Variants in ADGRV1 observed in about 807,000 individuals in gnomAD.
ADGRV1 encodes adhesion G protein-coupled receptor V1.
In ADGRV1, 359 loss-of-function variants were observed where a neutral mutation model predicts 596.2. The ratio of observed to expected loss-of-function variants is 0.60; its 90% confidence interval spans 0.55 to 0.66. The LOEUF (loss-of-function observed/expected upper bound fraction) is 0.66. Among genes scored for constraint, ADGRV1 ranks in the 30% least tolerant of loss-of-function variants. The pLI is 0.00. For synonymous variants in ADGRV1, 2,681 were observed against 2,679.2 expected, an observed-to-expected ratio of 1.00 and a Z score of -0.02; for missense variants, 7,274 against 7,575.6, an observed-to-expected ratio of 0.96 and a Z score of 1.48.
Position 90,759,436 on chromosome 5 carries a change from A to C in ADGRV1, c.11968A>C (p.Ile3990Leu), listed in dbSNP as rs1484962218. 6.4e-7 allele frequency: 1 copy of C among 1,571,950 alleles called. No individual in the cohort carries two copies. Among genetic ancestry groups the C allele is most frequent in the African/African-American group, 1.3e-5 (1 of 74,124 alleles). Residue 3990 changes from isoleucine (I) to leucine (L), a missense_variant, in exon 58 of 90, where the codon ATT becomes CTT. Coordinates refer to ENST00000405460, the MANE Select transcript of ADGRV1 (RefSeq NM_032119.4). ...TACTGCAATGATAGAAATCACCATAATTGATGATGCTGAATTTGAATTGAC... is the reference window on the plus strand; with the variant it reads ...TACTGCAATGATAGAAATCACCATACTTGATGATGCTGAATTTGAATTGAC... Reference protein sequence around the residue: ...QVTAMIEITIIDDAEFELTET... With the variant: ...QVTAMIEITILDDAEFELTET...
chr5:91,116,126 C>G lies in ADGRV1; in HGVS notation c.18432+13786C>G, dbSNP rs1289427241. 3.3e-5 allele frequency among the ~76,000 whole-genome samples: 5 copies of G among 152,274 alleles called. 1 individual carries two copies. Among genetic ancestry groups the G allele is most frequent in the Admixed American group, 2.0e-4 (3 of 15,298 alleles). On this transcript the variant is annotated intron_variant, in intron 87 of 89. Coordinates refer to ENST00000405460, the MANE Select transcript of ADGRV1 (RefSeq NM_032119.4). ...TAAAGAGCATGAATTCAAATATAAA[C>G]TGAACTTTCTTCTTAAACTCTTTAG... is the stretch of plus-strand genomic sequence containing the variant.
At chr5:90,799,077 G>T (rs1293458863) in intron 70 of ADGRV1, among the ~76,000 whole-genome samples, 1 of 152,062 alleles carries the variant, frequency 6.6e-6, no homozygotes, top group African/African-American at 2.4e-5. Context: ...TTCTGGCCAG[G>T]GCAATCAGAC....
intron 83 of ADGRV1, among the ~76,000 whole-genome samples, chr5:90,927,139 G>A (rs1404647330): frequency 6.7e-6 from 1 of 150,354 alleles, no homozygotes; most frequent in Admixed American, 6.6e-5. Flanking sequence ...TTCTGTAGAT[G>A]TCTATTAGGT....
intron 83 of ADGRV1, among the ~76,000 whole-genome samples, chr5:90,897,637 A>G (rs756504614): frequency 2.0e-4 from 30 of 152,304 alleles, no homozygotes; most frequent in Non-Finnish European, 3.7e-4. Flanking sequence ...TACTATTGTA[A>G]TATCATTCAG....
chr5:90,787,700 C>A (rs1436682352), intron 67 of ADGRV1, among the ~76,000 whole-genome samples: 1 of 149,128 alleles, frequency 6.7e-6, no homozygotes, highest in South Asian at 2.1e-4. Flanking sequence ...TCAAGCAATT[C>A]TCCTGTTTCA....
chr5:90,957,717 AC>A (rs1470596816), intron 83 of ADGRV1, among the ~76,000 whole-genome samples: 1 of 150,432 alleles, frequency 6.6e-6, no homozygotes, highest in Non-Finnish European at 1.5e-5. Context: ...AAGATAATTA[AC>A]TATTGAAGAA....
chr5:90,903,804 A>G (rs1772067285), intron 83 of ADGRV1, among the ~76,000 whole-genome samples: 1 of 152,012 alleles, frequency 6.6e-6, no homozygotes. Flanking sequence ...TTTAAAGTAT[A>G]CAATTAAATT....
intron 85 of ADGRV1, among the ~76,000 whole-genome samples, chr5:91,052,680 C>T (rs1431753090): frequency 6.6e-6 from 1 of 152,180 alleles, no homozygotes; most frequent in Non-Finnish European, 1.5e-5. Context: ...GTGATCCACC[C>T]GCCTTGGCCT....
At chr5:90,651,909 A>C (rs1332671866) in intron 18 of ADGRV1, among the ~76,000 whole-genome samples, 179 bp downstream of exon 18, 1 of 152,182 alleles carries the variant, frequency 6.6e-6, no homozygotes, top group African/African-American at 2.4e-5. Flanking sequence ...CTTCAAAAAA[A>C]AAAATCTTTT....
chr5:90,697,208 A>G, intron 34 of ADGRV1, 62 bp downstream of exon 34: 3 of 1,425,148 alleles, frequency 2.1e-6, no homozygotes, highest in Non-Finnish European at 1.9e-6. Flanking sequence ...TCTTTTGTCT[A>G]GTTCTTTAAA....
At chr5:90,813,123 A>T (rs1467187437) in intron 74 of ADGRV1, among the ~76,000 whole-genome samples, 1 of 106,216 alleles carries the variant, frequency 9.4e-6, no homozygotes, top group African/African-American at 3.4e-5. Context: ...ACAGAGTAAG[A>T]CTCCGTCTCA....
chr5:91,093,019 A>G (rs1790517231), intron 86 of ADGRV1, among the ~76,000 whole-genome samples: 1 of 152,172 alleles, frequency 6.6e-6, no homozygotes, highest in South Asian at 2.1e-4. Context: ...TCATCTCTTT[A>G]CTTCCAGCGC....
In ADGRV1 at chr5:90,571,374, A is replaced by G. The variant is rs192927999; in HGVS notation, c.22+12457A>G. Among the ~76,000 whole-genome samples the G allele has an allele frequency of 2.6e-5, 4 of 151,812 alleles. No individual in the cohort carries two copies. In the East Asian group the frequency reaches 7.7e-4, roughly 29 times the overall value. On this transcript the variant is annotated intron_variant, in intron 1 of 89. Coordinates refer to ENST00000405460, the MANE Select transcript of ADGRV1 (RefSeq NM_032119.4). ...AGAGGTGAGAATGTAGGGCTTTTAC[A>G]GGTTTTTCATGAACATGTGCACAGC...
At chr5:90,594,503 T>TA (rs1759978644) in intron 1 of ADGRV1, among the ~76,000 whole-genome samples, 9 of 131,814 alleles carry the variant, frequency 6.8e-5, no homozygotes, top group African/African-American at 2.6e-4. Flanking sequence ...TTTTTTTTTT[T>TA]TTTAATCATT....
intron 66 of ADGRV1, 57 bp from the exon 67 acceptor site, chr5:90,783,780 AT>A: frequency 7.6e-7 from 1 of 1,315,582 alleles, no homozygotes; most frequent in Non-Finnish European, 1.0e-6. Flanking sequence ...GGTTATTGGG[AT>A]TTTACAAGCA....
chr5:90,560,722 T>C (rs1458076953), intron 1 of ADGRV1, among the ~76,000 whole-genome samples: 1 of 152,166 alleles, frequency 6.6e-6, no homozygotes, highest in Admixed American at 6.5e-5. Flanking sequence ...CTCCATTTAT[T>C]ATATCTTAAA....
intron 85 of ADGRV1, among the ~76,000 whole-genome samples, chr5:91,051,141 A>G (rs1786284261): frequency 1.3e-5 from 2 of 152,224 alleles, no homozygotes; most frequent in African/African-American, 4.8e-5. Context: ...AAGGCTCCTT[A>G]TGGCACCCAG....
intron 89 of ADGRV1, among the ~76,000 whole-genome samples, chr5:91,160,045 G>A (rs1796816667): frequency 6.6e-6 from 1 of 152,160 alleles, no homozygotes; most frequent in Admixed American, 6.5e-5. Flanking sequence ...ACCATCCCCA[G>A]CCCCCTAGCC....
chr5:90,927,092 GA>G (rs1246463861), intron 83 of ADGRV1, among the ~76,000 whole-genome samples: 6 of 147,298 alleles, frequency 4.1e-5, no homozygotes, highest in Non-Finnish European at 7.5e-5. Flanking sequence ...GTGTGGTGCT[GA>G]AAAAAATGTA....
Sources: gnomAD v4.1 joint callset for allele counts (sites outside exome capture counted in the v4.1 genomes callset) on GRCh38, gnomAD v4.1.1 for gene constraint, MANE v1.5 for transcripts, NCBI Gene and HGNC (gene_info 2026-07-23, HGNC 2026-07-21) for gene names.